The following FRMD6 variants were observed in gnomAD, a reference collection of about 807,000 sequenced individuals.
FRMD6 encodes FERM domain-containing protein 6.
FRMD6 carries 37 observed loss-of-function variants against 73.2 expected under a neutral mutation model. That is an observed-to-expected ratio of 0.51 (90% CI 0.39 to 0.66). The LOEUF is 0.66. Ranked by LOEUF, FRMD6 falls within the 30% of genes least tolerant of loss-of-function variation. The pLI, the probability that FRMD6 is intolerant of heterozygous loss-of-function variation, is 0.00. For missense variants in FRMD6, 714 were observed against 780.5 expected (o/e 0.91, Z 1.02); for synonymous variants, 273 against 282.2 (o/e 0.97, Z 0.33).
chr14:51,589,789 C>T (rs2139720236), intron 2 of FRMD6, among the ~76,000 whole-genome samples: 1 of 152,298 alleles, frequency 6.6e-6, no homozygotes, highest in South Asian at 2.1e-4. Context: ...GTAAATGAGG[C>T]TGTGCATGGT....
intron 2 of FRMD6, among the ~76,000 whole-genome samples, chr14:51,695,703 AG>A (rs1266662364): frequency 1.3e-5 from 2 of 152,176 alleles, no homozygotes; most frequent in African/African-American, 4.8e-5. Context: ...ATGTAAAATA[AG>A]ACACTGTTCC....
At chr14:51,605,056 T>G (rs992406313) in intron 2 of FRMD6, among the ~76,000 whole-genome samples, 51 of 152,122 alleles carry the variant, frequency 3.4e-4, no homozygotes, top group African/African-American at 1.2e-3. Flanking sequence ...TGAAGTTCCC[T>G]GTATCTCTAC....
the FRMD6 span, among the ~76,000 whole-genome samples, chr14:51,442,641 AAC>A: frequency 6.6e-6 from 1 of 152,186 alleles, no homozygotes; most frequent in Non-Finnish European, 1.5e-5. Context: ...TCAGGGCAGA[AAC>A]TATGCCTTTT....
At chr14:51,633,598 CAAA>C (rs375453243) in intron 2 of FRMD6, among the ~76,000 whole-genome samples, 9,288 of 45,468 alleles carry the variant, frequency 0.2, 362 homozygotes, top group Middle Eastern at 0.3. Flanking sequence ...AAGACCCTGT[CAAA>C]AAAAAAAAAA....
At chr14:51,419,273 G>A in the FRMD6 span, among the ~76,000 whole-genome samples, 2 of 152,208 alleles carry the variant, frequency 1.3e-5, no homozygotes, top group South Asian at 4.1e-4. Context: ...GTCACACTGG[G>A]AGCTGCAGAC....
chr14:51,663,782 G>A (rs1453767112), intron 1 of FRMD6, among the ~76,000 whole-genome samples: 1 of 152,146 alleles, frequency 6.6e-6, no homozygotes, highest in Non-Finnish European at 1.5e-5. Flanking sequence ...AGTTCATTTA[G>A]CTTATGGTTT....
the FRMD6 span, among the ~76,000 whole-genome samples, chr14:51,420,948 G>T: frequency 9.9e-5 from 15 of 152,004 alleles, no homozygotes; most frequent in Admixed American, 5.2e-4. Context: ...TAATTTTTTT[G>T]TGTGTTTTTA....
chr14:51,727,237 G>T (rs1188854389), intron 13 of FRMD6, among the ~76,000 whole-genome samples: 2 of 150,792 alleles, frequency 1.3e-5, no homozygotes, highest in African/African-American at 2.4e-5. Flanking sequence ...GTAATAATTG[G>T]TTTATTTTCC....
intron 2 of FRMD6, among the ~76,000 whole-genome samples, chr14:51,607,735 A>G (rs1003140251): frequency 2.0e-5 from 3 of 152,160 alleles, no homozygotes; most frequent in Non-Finnish European, 2.9e-5. Flanking sequence ...TTACTTAACT[A>G]TATGTCTAAA....
chr14:51,698,656 G>A (rs1896098921), intron 3 of FRMD6, among the ~76,000 whole-genome samples: 1 of 151,954 alleles, frequency 6.6e-6, no homozygotes. Context: ...TAACTATATA[G>A]TATCACAAAG....
intron 2 of FRMD6, among the ~76,000 whole-genome samples, chr14:51,590,062 CA>C (rs529602796): frequency 0.033 from 2,693 of 82,560 alleles, 17 homozygotes; most frequent in East Asian, 0.087. Flanking sequence ...GAGCGAAACT[CA>C]AAAAAAAAAA....
intron 2 of FRMD6, among the ~76,000 whole-genome samples, chr14:51,597,975 C>T (rs897416087): frequency 6.6e-6 from 1 of 152,142 alleles, no homozygotes. Flanking sequence ...TGCCCCCCAA[C>T]CATCCATTTT....
chr14:51,550,541 T>C (rs1203719859), intron 1 of FRMD6, among the ~76,000 whole-genome samples: 1 of 151,484 alleles, frequency 6.6e-6, no homozygotes, highest in African/African-American at 2.4e-5. Flanking sequence ...TGAGAGGCCT[T>C]GCCAGTGCCA....
chr14:51,577,112 T>G (rs1358474273), intron 2 of FRMD6, among the ~76,000 whole-genome samples: 1 of 152,214 alleles, frequency 6.6e-6, no homozygotes, highest in African/African-American at 2.4e-5. Flanking sequence ...AGGCATAGGT[T>G]TCAGCACGTT....
intron 2 of FRMD6, among the ~76,000 whole-genome samples, chr14:51,593,299 G>A (rs917777330): frequency 6.6e-6 from 1 of 152,208 alleles, no homozygotes; most frequent in Non-Finnish European, 1.5e-5. Context: ...CTCTAATGCA[G>A]CCAAAGAAAC....
intron 1 of FRMD6, among the ~76,000 whole-genome samples, chr14:51,500,975 GAA>G (rs1883590140): frequency 6.6e-6 from 1 of 152,168 alleles, no homozygotes; most frequent in Non-Finnish European, 1.5e-5. Flanking sequence ...ATAGTTATGG[GAA>G]ACTTGCCAGC....
At chr14:51,593,039 T>C (rs896406049) in intron 2 of FRMD6, among the ~76,000 whole-genome samples, 24 of 152,238 alleles carry the variant, frequency 1.6e-4, no homozygotes, top group African/African-American at 5.5e-4. Context: ...GTGATGTTAT[T>C]TTGTCACTCA....
the FRMD6 span, among the ~76,000 whole-genome samples, chr14:51,416,603 G>A: frequency 2.6e-5 from 4 of 152,238 alleles, no homozygotes; most frequent in Non-Finnish European, 5.9e-5. Flanking sequence ...TAAGTGCGAT[G>A]TGGTGCTGAG....
At chr14:51,469,654 A>G in the FRMD6 span, among the ~76,000 whole-genome samples, 1 of 147,914 alleles carries the variant, frequency 6.8e-6, no homozygotes, top group Non-Finnish European at 1.5e-5. Context: ...CTTTGCCATG[A>G]TATGTTATTT....
Sources: gnomAD v4.1 joint callset for allele counts (sites outside exome capture counted in the v4.1 genomes callset) on GRCh38, gnomAD v4.1.1 for gene constraint, MANE v1.5 for transcripts, NCBI Gene and HGNC (gene_info 2026-07-23, HGNC 2026-07-21) for gene names.